Variants in CDKAL1 observed in about 807,000 individuals in gnomAD.
CDKAL1 encodes the protein CDKAL1 threonylcarbamoyladenosine tRNA methylthiotransferase, also known as threonylcarbamoyladenosine tRNA methylthiotransferase.
CDKAL1 carries 32 observed loss-of-function variants against 68.2 expected under a neutral mutation model. The observed-to-expected ratio is 0.47, with a 90% CI of 0.35 to 0.63. The LOEUF is 0.63. Ranked by LOEUF, CDKAL1 falls within the 30% of genes least tolerant of loss-of-function variation. CDKAL1 has a pLI of 0.00. For missense variants in CDKAL1, 606 were observed against 696.7 expected (o/e 0.87, Z 1.47); for synonymous variants, 234 against 244.3 (o/e 0.96, Z 0.39).
intron 2 of CDKAL1, among the ~76,000 whole-genome samples, chr6:20,537,036 CTTTTGT>C (rs1311162071): frequency 1.3e-5 from 2 of 151,800 alleles, no homozygotes; most frequent in African/African-American, 2.4e-5. Context: ...TCTTTTTTTT[CTTTTGT>C]TTTTGTTTTT....
At chr6:20,814,285 T>C (rs1424693008) in intron 8 of CDKAL1, among the ~76,000 whole-genome samples, 1 of 152,230 alleles carries the variant, frequency 6.6e-6, no homozygotes, top group African/African-American at 2.4e-5. Flanking sequence ...CCCACCTTCC[T>C]AAACTTACTC....
chr6:20,548,507 TGGGC>T, intron 3 of CDKAL1, 82 bp from the exon 4 acceptor site: 1 of 711,818 alleles, frequency 1.4e-6, no homozygotes, highest in Non-Finnish European at 2.5e-6. Flanking sequence ...CACTGCAGCC[TGGGC>T]AACAGAGCAA....
At chr6:20,931,034 C>G (rs530546518) in intron 9 of CDKAL1, among the ~76,000 whole-genome samples, 1 of 152,134 alleles carries the variant, frequency 6.6e-6, no homozygotes, top group Non-Finnish European at 1.5e-5. Flanking sequence ...TGAGCCACCG[C>G]GCCCGGCTGC....
chr6:20,915,845 C>T (rs1341805974), intron 9 of CDKAL1, among the ~76,000 whole-genome samples: 1 of 151,952 alleles, frequency 6.6e-6, no homozygotes, highest in Non-Finnish European at 1.5e-5. Context: ...GTGGTATATC[C>T]ATACAGTGGA....
chr6:21,015,878 C>G (rs991278727), intron 11 of CDKAL1, among the ~76,000 whole-genome samples: 1 of 150,812 alleles, frequency 6.6e-6, no homozygotes, highest in Non-Finnish European at 1.5e-5. Context: ...GACCCAGGAG[C>G]TGGAGGCTGC....
intron 6 of CDKAL1, among the ~76,000 whole-genome samples, chr6:20,747,241 TC>T (rs1773701978): frequency 6.6e-6 from 1 of 152,228 alleles, no homozygotes; most frequent in East Asian, 1.9e-4. Flanking sequence ...CATTCATCCA[TC>T]GATGGATACT....
At chr6:20,570,292 C>T (rs555847026) in intron 4 of CDKAL1, among the ~76,000 whole-genome samples, 16 of 151,338 alleles carry the variant, frequency 1.1e-4, no homozygotes, top group Non-Finnish European at 1.8e-4. Context: ...TTAGTAGAGA[C>T]GGAGTTTCAC....
At chr6:20,710,205 A>G (rs1199919459) in intron 5 of CDKAL1, among the ~76,000 whole-genome samples, 1 of 152,174 alleles carries the variant, frequency 6.6e-6, no homozygotes, top group African/African-American at 2.4e-5. Context: ...AACAAGTTTC[A>G]TCTTCCTAAA....
intron 6 of CDKAL1, among the ~76,000 whole-genome samples, chr6:20,746,441 C>T (rs1011023574): frequency 6.6e-6 from 1 of 152,176 alleles, no homozygotes; most frequent in Non-Finnish European, 1.5e-5. Flanking sequence ...AAGTTGCTCA[C>T]GGGCTTGTGA....
intron 15 of CDKAL1, among the ~76,000 whole-genome samples, chr6:21,210,436 T>C (rs979141452): frequency 1.2e-4 from 19 of 152,198 alleles, no homozygotes; most frequent in African/African-American, 4.3e-4. Context: ...CCTTCCATTG[T>C]GTGAGGACAC....
At chr6:21,203,098 G>A (rs1021009143) in intron 15 of CDKAL1, among the ~76,000 whole-genome samples, 5 of 152,056 alleles carry the variant, frequency 3.3e-5, no homozygotes, top group Non-Finnish European at 4.4e-5. Context: ...CACCCAGGCT[G>A]GAGTGCAATG....
intron 13 of CDKAL1, among the ~76,000 whole-genome samples, chr6:21,117,904 A>C (rs1318751675): frequency 6.6e-6 from 1 of 152,176 alleles, no homozygotes; most frequent in Non-Finnish European, 1.5e-5. Context: ...AAAGGCTAAC[A>C]CGTGTGTCAG....
At chr6:20,562,920 T>C (rs1292760989) in intron 4 of CDKAL1, among the ~76,000 whole-genome samples, 1 of 152,196 alleles carries the variant, frequency 6.6e-6, no homozygotes, top group Non-Finnish European at 1.5e-5. Flanking sequence ...TAGTGTCTAA[T>C]TGTTTTTGAT....
At chr6:21,064,573 G>A (rs1162557523) in intron 11 of CDKAL1, among the ~76,000 whole-genome samples, 1 of 152,120 alleles carries the variant, frequency 6.6e-6, no homozygotes, top group South Asian at 2.1e-4. Context: ...ATTACACATT[G>A]TGGAAAAACA....
chr6:20,596,631 C>T (rs567166921), intron 4 of CDKAL1, among the ~76,000 whole-genome samples: 47 of 152,310 alleles, frequency 3.1e-4, no homozygotes, highest in Admixed American at 1.2e-3. Flanking sequence ...AGCTAGACTA[C>T]TTGGCTCCCT....
intron 12 of CDKAL1, among the ~76,000 whole-genome samples, chr6:21,082,966 T>C (rs1376066450): frequency 1.3e-5 from 2 of 148,964 alleles, no homozygotes; most frequent in African/African-American, 2.5e-5. Flanking sequence ...CTCGACCTCC[T>C]GGGCTCATAC....
chr6:21,045,494 C>T (rs1176683001), intron 11 of CDKAL1, among the ~76,000 whole-genome samples: 1 of 152,174 alleles, frequency 6.6e-6, no homozygotes, highest in African/African-American at 2.4e-5. Flanking sequence ...CCGTGGGCAC[C>T]TGTCTCCCTT....
chr6:20,833,373 T>C (rs1210620679), intron 8 of CDKAL1, among the ~76,000 whole-genome samples: 1 of 152,168 alleles, frequency 6.6e-6, no homozygotes, highest in African/African-American at 2.4e-5. Flanking sequence ...TTCCTATACG[T>C]GTTCTTAACT....
At chr6:21,099,578 A>G (rs1773481236) in intron 12 of CDKAL1, among the ~76,000 whole-genome samples, 1 of 152,214 alleles carries the variant, frequency 6.6e-6, no homozygotes, top group Admixed American at 6.5e-5. Flanking sequence ...AAAGAAAACA[A>G]TAATAATCCA....
Sources: gnomAD v4.1 joint callset for allele counts (sites outside exome capture counted in the v4.1 genomes callset) on GRCh38, gnomAD v4.1.1 for gene constraint, MANE v1.5 for transcripts, NCBI Gene and HGNC (gene_info 2026-07-23, HGNC 2026-07-21) for gene names.